NRTN: variants seen among roughly 807,000 people sequenced by gnomAD.
NRTN encodes neurturin, also known as prepro-neurturin.
A neutral mutation model predicts 7.5 loss-of-function variants in NRTN; 3 were observed. The observed-to-expected ratio is 0.40, with a 90% CI of 0.18 to 1.03. The LOEUF (loss-of-function observed/expected upper bound fraction) is 1.03. NRTN is among the 50% of genes least tolerant of loss of function. NRTN has a pLI of 0.34. For missense variants in NRTN, 310 were observed against 307.0 expected, an observed-to-expected ratio of 1.01 and a Z score of -0.07; for synonymous variants, 157 against 146.6, an observed-to-expected ratio of 1.07 and a Z score of -0.51.
chr19:5,810,036 C>T (rs1385078390), intron 1 of NRTN, among the ~76,000 whole-genome samples: 1 of 151,784 alleles, frequency 6.6e-6, no homozygotes, highest in Non-Finnish European at 1.5e-5. Flanking sequence ...GAGGCCGAGG[C>T]TGGCGGATCA....
At chr19:5,811,103 G>A (rs1054507861) in intron 1 of NRTN, among the ~76,000 whole-genome samples, 13 of 151,974 alleles carry the variant, frequency 8.6e-5, no homozygotes, top group African/African-American at 3.1e-4. Flanking sequence ...GCTGGGTGTA[G>A]TGGCGTGCAC....
At chr19:5,817,823 G>A (rs1402309640) in intron 1 of NRTN, among the ~76,000 whole-genome samples, 5 of 152,088 alleles carry the variant, frequency 3.3e-5, no homozygotes, top group Admixed American at 6.6e-5. Flanking sequence ...GTTTCCAGAC[G>A]GAGTCTTGCT....
At chr19:5,810,853 C>T (rs1180405984) in intron 1 of NRTN, among the ~76,000 whole-genome samples, 3 of 151,792 alleles carry the variant, frequency 2.0e-5, no homozygotes, top group African/African-American at 4.8e-5. Context: ...CGCTTGAACC[C>T]AGGAGGCAGA....
chr19:5,808,099 G>A (rs1333561243), intron 1 of NRTN, among the ~76,000 whole-genome samples: 1 of 152,124 alleles, frequency 6.6e-6, no homozygotes, highest in Non-Finnish European at 1.5e-5. Context: ...AGAAAGACAA[G>A]ATGATTGAGC....
chr19:5,826,358 C>T (rs1332450078), intron 2 of NRTN, among the ~76,000 whole-genome samples: 1 of 152,138 alleles, frequency 6.6e-6, no homozygotes, highest in Non-Finnish European at 1.5e-5. Flanking sequence ...CACCGATTTC[C>T]CACCCTCTCA....
intron 2 of NRTN, among the ~76,000 whole-genome samples, chr19:5,825,541 G>A (rs984931599): frequency 1.3e-5 from 2 of 152,246 alleles, no homozygotes; most frequent in African/African-American, 4.8e-5. Flanking sequence ...CTCTGCAAGC[G>A]GCGTGAAGTC....
chr19:5,807,416 G>A (rs1304230351), intron 1 of NRTN, among the ~76,000 whole-genome samples: 4 of 152,180 alleles, frequency 2.6e-5, no homozygotes, highest in Admixed American at 2.6e-4. Context: ...CAGAGGCTCT[G>A]GGGCCTCAAG....
intron 1 of NRTN, among the ~76,000 whole-genome samples, chr19:5,820,740 A>G (rs2057021924): frequency 1.4e-5 from 1 of 70,800 alleles, no homozygotes; most frequent in African/African-American, 6.3e-5. Context: ...TGTCTCAAGA[A>G]AAAAAAAAAA....
In NRTN at chr19:5,828,003, G is replaced by A. The variant is rs1420438938; in HGVS notation, c.424G>A (p.Asp142Asn). 4 of 1,447,786 alleles carry A rather than the reference G, an allele frequency of 2.8e-6. No homozygotes were observed. The highest frequency in any genetic ancestry group is 3.6e-6 in the Non-Finnish European group (4 of 1,106,772). The allele number at this position is 1,447,786 out of a possible 1,614,324, so 89.7% of individuals were successfully genotyped here. A position where few individuals can be genotyped will look rare whatever the true frequency, so the allele number is the denominator to read the frequency against. Residue 142 changes from aspartate to asparagine, a missense_variant, in exon 3 of 3, where the codon GAC becomes AAC. By Grantham distance (23) the Asp-to-Asn change is conservative (BLOSUM62 1). Coordinates refer to ENST00000303212, the MANE Select transcript of NRTN (RefSeq NM_004558.5). The stretch of plus-strand genomic sequence containing the variant: ...CTGCGAGGCTGCCGCGCGCGTCTAC[G>A]ACCTCGGGCTGCGACGACTGCGCCA... ...GACEAAARVY[D>N]LGLRRLRQRR...
In NRTN at chr19:5,824,271, G is replaced by A. The variant is rs1197012114; in HGVS notation, c.106G>A (p.Ala36Thr). 3 of 1,610,810 alleles carry A rather than the reference G, an allele frequency of 1.9e-6. No homozygotes were observed. The highest frequency in any genetic ancestry group is 2.2e-5 in the East Asian group (1 of 44,822). ...GCTTCTCAGCCACCGCCTCGGACCT[G>A]CGCTGGTCCCCCTGCACCGCCTGCC... ...GLLLSHRLGP[A>T]LVPLHRLPRT... Residue 36 changes from alanine to threonine, a missense_variant, in exon 2 of 3, where the codon GCG becomes ACG. Ala to Thr is a moderately conservative substitution (Grantham distance 58). Coordinates refer to ENST00000303212, the MANE Select transcript of NRTN (RefSeq NM_004558.5).
chr19:5,805,862 G>A (rs1387408790), intron 1 of NRTN, among the ~76,000 whole-genome samples: 4 of 152,112 alleles, frequency 2.6e-5, no homozygotes, highest in African/African-American at 9.6e-5. Flanking sequence ...TCCGGATCCT[G>A]CAGAGCCCGG....
In NRTN at chr19:5,816,155, C is replaced by G. The variant is rs531957621; in HGVS notation, c.-398-7613C>G. ...GGCTCAGGCGAACTCCCCGCCTCAGCCTCCCAAAGTGCTGGGATTATAGGC... is the reference window on the plus strand; with the variant it reads ...GGCTCAGGCGAACTCCCCGCCTCAGGCTCCCAAAGTGCTGGGATTATAGGC... On this transcript the variant is annotated intron_variant, in intron 1 of 2. Transcript: ENST00000303212. Among the ~76,000 whole-genome samples the G allele has an allele frequency of 1.2e-4, 18 of 152,286 alleles. No individual in the cohort carries two copies. The South Asian group carries it at 3.5e-3, about 30-fold the overall frequency.
intron 1 of NRTN, among the ~76,000 whole-genome samples, chr19:5,811,233 A>C (rs2056989836): frequency 1.3e-5 from 2 of 152,178 alleles, no homozygotes; most frequent in Non-Finnish European, 2.9e-5. Context: ...TCTTGAAAAA[A>C]AGAAAAAAAT....
At chr19:5,817,986 T>C (rs544001429) in intron 1 of NRTN, among the ~76,000 whole-genome samples, 49 of 146,900 alleles carry the variant, frequency 3.3e-4, no homozygotes, top group South Asian at 8.7e-4. Flanking sequence ...TTTTTTGAGA[T>C]GGAGTCTCGC....
rs970873603 is a variant in NRTN at position 5,815,027 on chromosome 19, G to A, written c.-398-8741G>A. ...TGGACACGGGCAGTGGTCAGGGCGG[G>A]GCCGTTCCCTCCTGAGTCCCCCGGC... On this transcript the variant is annotated intron_variant, in intron 1 of 2. Coordinates refer to ENST00000303212, the MANE Select transcript of NRTN (RefSeq NM_004558.5). Among the ~76,000 whole-genome samples the A allele has an allele frequency of 2.0e-5, 3 of 152,332 alleles. No individual in the cohort carries two copies. The East Asian group carries it at 5.8e-4, about 29-fold the overall frequency.
At chr19:5,824,601 G>A (rs1008631032) in intron 2 of NRTN, among the ~76,000 whole-genome samples, 3 of 152,198 alleles carry the variant, frequency 2.0e-5, no homozygotes. Context: ...GCAATGTAGC[G>A]AGACCGCCAT....
intron 2 of NRTN, among the ~76,000 whole-genome samples, chr19:5,824,924 G>A (rs2057039887): frequency 6.6e-6 from 1 of 152,170 alleles, no homozygotes; most frequent in Admixed American, 6.5e-5. Context: ...ATTAGGCTCT[G>A]CCCTGAGGTC....
At chr19:5,808,817 G>T (rs1316056066) in intron 1 of NRTN, among the ~76,000 whole-genome samples, 1 of 149,478 alleles carries the variant, frequency 6.7e-6, no homozygotes, top group Non-Finnish European at 1.5e-5. Context: ...GTGCAGTGGT[G>T]CGATCTCGGC....
intron 1 of NRTN, among the ~76,000 whole-genome samples, chr19:5,810,109 CA>C (rs200014629): frequency 6.7e-6 from 1 of 150,124 alleles, no homozygotes; most frequent in South Asian, 2.1e-4. Context: ...ACTAAAAATA[CA>C]AAAAAAATTA....
Sources: gnomAD v4.1 joint callset for allele counts (sites outside exome capture counted in the v4.1 genomes callset) on GRCh38, gnomAD v4.1.1 for gene constraint, MANE v1.5 for transcripts, NCBI Gene and HGNC (gene_info 2026-07-23, HGNC 2026-07-21) for gene names.